Variants in SLC36A1 observed in about 807,000 individuals in gnomAD.
SLC36A1 encodes the protein proton-coupled amino acid transporter 1.
SLC36A1 carries 30 observed loss-of-function variants against 47.5 expected under a neutral mutation model. The ratio of observed to expected loss-of-function variants is 0.63; its 90% CI spans 0.47 to 0.86. The LOEUF (loss-of-function observed/expected upper bound fraction) is 0.86. Ranked by LOEUF, SLC36A1 falls within the 40% of genes least tolerant of loss-of-function variation. The pLI is 0.00. For synonymous variants in SLC36A1, 255 were observed against 249.7 expected, an observed-to-expected ratio of 1.02 and a Z score of -0.20; for missense variants, 517 against 606.0, an observed-to-expected ratio of 0.85 and a Z score of 1.54.
At chr5:151,467,131 C>T in intron 5 of SLC36A1, 68 bp from the exon 6 acceptor site, 1 of 1,242,354 alleles carries the variant, frequency 8.0e-7, no homozygotes, top group South Asian at 1.3e-5. Context: ...ACAAAAAACA[C>T]CTCCCCTTCT....
At chr5:151,419,350 T>C in the SLC36A1 span, among the ~76,000 whole-genome samples, 2 of 152,186 alleles carry the variant, frequency 1.3e-5, no homozygotes, top group African/African-American at 4.8e-5. Flanking sequence ...TCTGTACTTT[T>C]AGTAGGTTGG....
the SLC36A1 span, among the ~76,000 whole-genome samples, chr5:151,404,829 G>C: frequency 6.6e-6 from 1 of 152,164 alleles, no homozygotes; most frequent in Non-Finnish European, 1.5e-5. Flanking sequence ...TTCTCTAGCT[G>C]CCTTTAAGAT....
chr5:151,406,181 G>C, the SLC36A1 span, among the ~76,000 whole-genome samples: 1 of 152,146 alleles, frequency 6.6e-6, no homozygotes, highest in South Asian at 2.1e-4. Flanking sequence ...CCTCTCTTGG[G>C]GTGGCTTGAG....
the SLC36A1 span, among the ~76,000 whole-genome samples, chr5:151,367,374 T>TTTTTTTTTTTTTTTTTTTTTTTTTTTTTC: frequency 6.9e-6 from 1 of 145,466 alleles, no homozygotes; most frequent in Non-Finnish European, 1.5e-5. Flanking sequence ...TTTTTTTTTT[T>TTTTTTTTTTTTTTTTTTTTTTTTTTTTTC]CCCCAGGGTA....
chr5:151,346,752 C>G, the SLC36A1 span, among the ~76,000 whole-genome samples: 2 of 152,144 alleles, frequency 1.3e-5, no homozygotes, highest in African/African-American at 4.8e-5. Context: ...CCCCACTCCC[C>G]ACTCCCTGGA....
At chr5:151,469,188 C>A in intron 7 of SLC36A1, 1 of 684,116 alleles carries the variant, frequency 1.5e-6, no homozygotes, top group South Asian at 1.6e-5. Flanking sequence ...ATACCATGTC[C>A]CCACCCCGAG....
At chr5:151,388,166 A>G in the SLC36A1 span, among the ~76,000 whole-genome samples, 2 of 152,202 alleles carry the variant, frequency 1.3e-5, no homozygotes, top group African/African-American at 2.4e-5. Flanking sequence ...TTTACAATCT[A>G]TTCTCTCTGA....
chr5:151,471,171 C>T (rs1259089668), intron 7 of SLC36A1, among the ~76,000 whole-genome samples: 1 of 152,118 alleles, frequency 6.6e-6, no homozygotes, highest in Non-Finnish European at 1.5e-5. Flanking sequence ...GTTTTTTTCT[C>T]ATCAATGTTA....
the SLC36A1 span, chr5:151,512,303 G>A: frequency 2.5e-6 from 4 of 1,614,130 alleles, no homozygotes; most frequent in Admixed American, 6.7e-5. This position sits in a 1 kb window ranked among gnomAD's most constrained non-coding sequence, Gnocchi z 4.1. Context: ...AGCAGATCTA[G>A]AGCCTCTTCG....
intron 2 of SLC36A1, among the ~76,000 whole-genome samples, chr5:151,460,380 C>T (rs563556833): frequency 6.6e-6 from 1 of 152,338 alleles, no homozygotes; most frequent in South Asian, 2.1e-4. Flanking sequence ...CAACTAGCAA[C>T]TTTAGGATAG....
At chr5:151,394,541 C>T in the SLC36A1 span, among the ~76,000 whole-genome samples, 1 of 152,148 alleles carries the variant, frequency 6.6e-6, no homozygotes, top group Non-Finnish European at 1.5e-5. Context: ...TTTTATCTAC[C>T]TTTGGTCTTT....
the SLC36A1 span, among the ~76,000 whole-genome samples, chr5:151,529,863 A>G: frequency 1.3e-5 from 2 of 152,228 alleles, no homozygotes; most frequent in East Asian, 1.9e-4. Flanking sequence ...TTGTTAGGGC[A>G]TAGGTTATTA....
the SLC36A1 span, among the ~76,000 whole-genome samples, chr5:151,500,861 C>A: frequency 6.6e-6 from 1 of 152,228 alleles, no homozygotes; most frequent in African/African-American, 2.4e-5. Context: ...AACCTTTAGG[C>A]CTCCCCGCAG....
chr5:151,473,218 A>ATAGG (rs757481482), intron 7 of SLC36A1, among the ~76,000 whole-genome samples: 1 of 151,010 alleles, frequency 6.6e-6, no homozygotes, highest in Admixed American at 6.6e-5. Context: ...AGATAGATAG[A>ATAGG]TAGATAGAAT....
intron 1 of SLC36A1, among the ~76,000 whole-genome samples, chr5:151,456,503 A>G (rs1311637959): frequency 1.3e-5 from 2 of 152,088 alleles, no homozygotes; most frequent in Admixed American, 1.3e-4. Context: ...ACGAGCTTAT[A>G]CCTGTATAGC....
At chr5:151,514,691 C>G in the SLC36A1 span, among the ~76,000 whole-genome samples, 1 of 152,328 alleles carries the variant, frequency 6.6e-6, no homozygotes, top group South Asian at 2.1e-4. Flanking sequence ...CCTAATGCCT[C>G]CCTCCTCATT....
At chr5:151,553,827 T>A in the SLC36A1 span, among the ~76,000 whole-genome samples, 2 of 152,126 alleles carry the variant, frequency 1.3e-5, no homozygotes, top group Admixed American at 6.5e-5. Context: ...TTGGAAGAGG[T>A]CCTGTTATCA....
At chr5:151,431,284 G>A in the SLC36A1 span, 1 of 152,310 alleles carries the variant, frequency 6.6e-6, no homozygotes, top group African/African-American at 2.4e-5. Context: ...ACACTTACGA[G>A]GTCCTGCTGG....
At chr5:151,478,232 CAAGG>C (rs1433264004) in intron 9 of SLC36A1, among the ~76,000 whole-genome samples, 2 of 152,134 alleles carry the variant, frequency 1.3e-5, no homozygotes, top group Non-Finnish European at 2.9e-5. Context: ...AGATTTCCGA[CAAGG>C]GAGGACAAAT....
Sources: gnomAD v4.1 joint callset for allele counts (sites outside exome capture counted in the v4.1 genomes callset) on GRCh38, gnomAD v4.1.1 for gene constraint, Gnocchi (gnomAD v3.1) non-coding constraint, MANE v1.5 for transcripts, NCBI Gene and HGNC (gene_info 2026-07-23, HGNC 2026-07-21) for gene names.